The following EML3 variants were observed in gnomAD, a reference collection of about 807,000 sequenced individuals.
The protein encoded by EML3 is EMAP like 3, also known as echinoderm microtubule-associated protein-like 3.
Under a neutral mutation model 106.7 loss-of-function variants are expected in EML3, and 53 were observed. That is an observed-to-expected ratio of 0.50 (90% CI 0.40 to 0.62). The LOEUF (loss-of-function observed/expected upper bound fraction) is 0.62, where lower values mean the gene tolerates loss of function less well. Ranked by LOEUF, EML3 falls within the 20% of genes least tolerant of loss-of-function variation. EML3 has a pLI of 0.00. For missense variants in EML3, 994 were observed against 1,209.1 expected, an observed-to-expected ratio of 0.82 and a Z score of 2.64; for synonymous variants, 499 against 489.6, an observed-to-expected ratio of 1.02 and a Z score of -0.25.
At chr11:62,610,506 C>A (rs536311087) in intron 4 of EML3, among the ~76,000 whole-genome samples, 6 of 152,240 alleles carry the variant, frequency 3.9e-5, no homozygotes, top group Non-Finnish European at 8.8e-5. Context: ...CTCTTGGGAT[C>A]GCAGAAGGTG....
chr11:62,608,443 G>A (rs1322008218), intron 9 of EML3, 99 bp downstream of exon 9: 2 of 1,388,598 alleles, frequency 1.4e-6, no homozygotes, highest in African/African-American at 2.9e-5. Flanking sequence ...CAGCTGGGTG[G>A]GGTTCAGGAA....
At chr11:62,606,007 A>T (rs1485857728) in intron 13 of EML3, 27 bp from the exon 14 acceptor site, 1 of 1,613,844 alleles carries the variant, frequency 6.2e-7, no homozygotes, top group East Asian at 2.2e-5. Flanking sequence ...GAATGTCAAG[A>T]GCCCACTGAC....
chr11:62,611,369 C>T (rs1942814072), intron 2 of EML3, 25 bp from the exon 3 acceptor site: 1 of 1,613,360 alleles, frequency 6.2e-7, no homozygotes, highest in African/African-American at 1.3e-5. Flanking sequence ...TTGAATTAAC[C>T]TGAAGCCCCA....
intron 16 of EML3, chr11:62,604,808 T>C (rs987354609): frequency 1.6e-5 from 4 of 253,608 alleles, no homozygotes; most frequent in Admixed American, 1.0e-4. Context: ...CTGTGCAAGC[T>C]GGAAGCCTGT....
intron 1 of EML3, chr11:62,611,806 C>T: frequency 1.7e-6 from 1 of 597,174 alleles, no homozygotes; most frequent in Non-Finnish European, 2.9e-6. Flanking sequence ...TGGCAAAGCT[C>T]CCTTCCTGCT....
chr11:62,602,665 A>C lies in EML3; in HGVS notation c.2501T>G (p.Met834Arg), dbSNP rs774505119. 266 of 1,597,124 alleles carry C rather than the reference A, an allele frequency of 1.7e-4. No homozygotes were observed. Among genetic ancestry groups the C allele is most frequent in the Non-Finnish European group, 2.2e-4 (257 of 1,174,836 alleles). ...PCARAKAPSR[M>R]YGGHGSHVTS... ...CACGTGGCTGCCGTGGCCCCCGTACATGCGGCTCGGCGCCTGGGCCGGAGG... is the reference window on the plus strand; with the variant it reads ...CACGTGGCTGCCGTGGCCCCCGTACCTGCGGCTCGGCGCCTGGGCCGGAGG... Residue 834 changes from methionine (M) to arginine (R), a missense_variant, in exon 22 of 22, where the codon ATG becomes AGG. Transcript: ENST00000394773.
In EML3 at chr11:62,602,603, C is replaced by T; in HGVS notation, c.2563G>A (p.Val855Ile). The change falls in exon 22 of 22, where the codon GTC becomes ATC. Residue 855 changes from valine to isoleucine, a missense_variant. Transcript: ENST00000394773. Reference sequence around the variant, plus strand: ...CTGGCGTCCTTGCCGCCCAGCGAGACGAGGTGCGAGTCGTCGTGCGTGAAT... The same window carrying T: ...CTGGCGTCCTTGCCGCCCAGCGAGATGAGGTGCGAGTCGTCGTGCGTGAAT... ...VRFTHDDSHL[V>I]SLGGKDASIF... 1.3e-6 allele frequency: 2 copies of T among 1,562,778 alleles called. No individual in the cohort carries two copies. The highest frequency in any genetic ancestry group is 1.7e-4 in the Middle Eastern group (1 of 5,988).
chr11:62,609,588 C>T (rs1942709092), intron 5 of EML3, 41 bp downstream of exon 5: 2 of 1,586,696 alleles, frequency 1.3e-6, no homozygotes, highest in East Asian at 2.3e-5. Flanking sequence ...CAAATCCTAA[C>T]CCTGCCATCC....
intron 19 of EML3, among the ~76,000 whole-genome samples, chr11:62,603,493 C>T (rs139113750): frequency 6.6e-6 from 1 of 152,334 alleles, no homozygotes; most frequent in Non-Finnish European, 1.5e-5. Flanking sequence ...TCCACACTTG[C>T]CCTGAGAAAC....
rs1942506532 is a variant in EML3, at chr11:62,606,147, C to G, written c.1572G>C (p.Arg524Ser). Residue 524 changes from arginine (R) to serine (S), a missense_variant, in exon 13 of 22, where the codon AGG becomes AGC. Transcript: ENST00000394773. Reference sequence around the variant, plus strand: ...CGCCACCACTCAGCACTGTCCCGTCCCTCCGGAGACACAAGGCGAAGATAG... The same window carrying G: ...CGCCACCACTCAGCACTGTCCCGTCGCTCCGGAGACACAAGGCGAAGATAG... Reference protein sequence around the residue: ...EGSIFALCLRRDGTVLSGGGR... With the variant: ...EGSIFALCLRSDGTVLSGGGR... 6.2e-7 allele frequency: 1 copy of G among 1,614,032 alleles called. No individual in the cohort carries two copies.
At chr11:62,608,835 A>G in intron 7 of EML3, 30 bp from the exon 8 acceptor site, 1 of 1,564,578 alleles carries the variant, frequency 6.4e-7, no homozygotes, top group Non-Finnish European at 8.7e-7. Context: ...CTCTAGGGAA[A>G]GGGTCTCTCA....
At chr11:62,608,322 T>C (rs748482683) in intron 9 of EML3, 26 bp from the exon 10 acceptor site, 5 of 1,605,586 alleles carry the variant, frequency 3.1e-6, no homozygotes, top group Non-Finnish European at 4.3e-6. Context: ...ACATAGGAGG[T>C]GCAGAGTGAA....
chr11:62,602,625 G>T lies in EML3; in HGVS notation c.2541C>A (p.Phe847Leu). ...AGACGAGGTGCGAGTCGTCGTGCGT[G>T]AATCGGACGCTGGTCACGTGGCTGC... is the stretch of plus-strand genomic sequence containing the variant. Reference protein sequence around the residue: ...GHGSHVTSVRFTHDDSHLVSL... With the variant: ...GHGSHVTSVRLTHDDSHLVSL... The change falls in exon 22 of 22, where the codon TTC becomes TTA. Residue 847 changes from phenylalanine (F) to leucine (L), a missense_variant. This residue lies in a region of EML3 where 713 missense variants were observed against 920.5 expected (regional missense o/e 0.77). Coordinates refer to ENST00000394773, the MANE Select transcript of EML3 (RefSeq NM_153265.3). 1 of 1,584,972 alleles carries T rather than the reference G, an allele frequency of 6.3e-7. No individual in the cohort carries two copies. The highest frequency in any genetic ancestry group is 8.6e-7 in the Non-Finnish European group (1 of 1,168,980).
At chr11:62,610,849 C>CG (rs1250071306) in intron 4 of EML3, 30 bp downstream of exon 4, 1 of 1,539,780 alleles carries the variant, frequency 6.5e-7, no homozygotes. Context: ...GCGCCTGGGG[C>CG]GGGGTGGGTT....
intron 4 of EML3, 68 bp downstream of exon 4, chr11:62,610,811 G>C: frequency 2.2e-6 from 3 of 1,364,210 alleles, no homozygotes; most frequent in Non-Finnish European, 1.0e-6. Context: ...AGGGATGTGA[G>C]GTGAGGGATA....
chr11:62,608,879 A>G (rs1942668540), intron 7 of EML3, 74 bp from the exon 8 acceptor site: 1 of 1,582,450 alleles, frequency 6.3e-7, no homozygotes, highest in Non-Finnish European at 8.6e-7. Context: ...AAGCTTGCAG[A>G]GCAGCAAGGC....
chr11:62,602,348 C>A lies in EML3; in HGVS notation c.*127G>T. On this transcript the variant is annotated 3_prime_UTR_variant, in exon 22 of 22. Coordinates refer to ENST00000394773, the MANE Select transcript of EML3 (RefSeq NM_153265.3). ...GCCGTTCGCGCCCTCCAGGAAAATG[C>A]GCGATCGGGAATGTCTCGAAGTCAG... is the stretch of plus-strand genomic sequence containing the variant. 2 of 1,549,434 alleles carry A rather than the reference C, an allele frequency of 1.3e-6. No individual in the cohort carries two copies. The highest frequency in any genetic ancestry group is 1.7e-6 in the Non-Finnish European group (2 of 1,145,690).
At chr11:62,606,533 CA>C (rs1942528887) in intron 12 of EML3, 1 of 396,112 alleles carries the variant, frequency 2.5e-6, no homozygotes, top group Non-Finnish European at 4.6e-6. Flanking sequence ...GACTAGCCCC[CA>C]AGAGAACTAT....
rs775549093 is a variant in EML3 at position 62,606,056 on chromosome 11, C to A, written c.1656+7G>T. 6.2e-7 allele frequency: 1 copy of A among 1,613,742 alleles called. No homozygotes were observed. The highest frequency in any genetic ancestry group is 1.3e-5 in the African/African-American group (1 of 74,952). ...CCTCACTCCCTTGACCCCAGCCCAG[C>A]CCTCACCTCAGCCTCCTGGAGGGCC... On this transcript the variant is annotated splice_region_variant and intron_variant, in intron 13 of 21. Coordinates refer to ENST00000394773, the MANE Select transcript of EML3 (RefSeq NM_153265.3).
Sources: gnomAD v4.1 joint callset for allele counts (sites outside exome capture counted in the v4.1 genomes callset) on GRCh38, gnomAD v4.1.1 for gene constraint, gnomAD v4.1.1 regional missense constraint, MANE v1.5 for transcripts, NCBI Gene and HGNC (gene_info 2026-07-23, HGNC 2026-07-21) for gene names.